WWP1: variants seen among roughly 807,000 people sequenced by gnomAD.
The protein encoded by WWP1 is WW domain containing E3 ubiquitin protein ligase 1.
A neutral mutation model predicts 130.6 loss-of-function variants in WWP1; 49 were observed. That is an observed-to-expected ratio of 0.38 (90% CI 0.30 to 0.48). The LOEUF (loss-of-function observed/expected upper bound fraction) is 0.48. Ranked by LOEUF, WWP1 falls within the 20% of genes least tolerant of loss-of-function variation. WWP1 has a pLI of 0.99. For synonymous variants in WWP1, 332 were observed against 367.8 expected (o/e 0.90, Z 1.11); for missense variants, 809 against 1,100.6 (o/e 0.74, Z 3.75).
At chr8:86,440,676 C>G (rs1810544597) in intron 17 of WWP1, 1 of 453,828 alleles carries the variant, frequency 2.2e-6, no homozygotes, top group African/African-American at 2.0e-5. Flanking sequence ...TCTATTATGT[C>G]TTTGAATATT....
intron 8 of WWP1, among the ~76,000 whole-genome samples, chr8:86,407,627 A>G (rs1422044953): frequency 6.6e-6 from 1 of 152,182 alleles, no homozygotes; most frequent in Non-Finnish European, 1.5e-5. Flanking sequence ...TCTCCAGTCA[A>G]ATATTATTGT....
chr8:86,423,016 A>G (rs1405832728), intron 9 of WWP1, among the ~76,000 whole-genome samples: 2 of 151,328 alleles, frequency 1.3e-5, no homozygotes, highest in African/African-American at 2.4e-5. Context: ...ATATTATTTC[A>G]TAGACACTTT....
At chr8:86,394,328 CA>C (rs556333242) in intron 5 of WWP1, among the ~76,000 whole-genome samples, 5 of 152,186 alleles carry the variant, frequency 3.3e-5, no homozygotes. Context: ...CTAGGAGGTA[CA>C]AAAAAATCAG....
In WWP1 at chr8:86,372,778, C is replaced by G. The variant is rs1824400913; in HGVS notation, c.-21-1252C>G. On this transcript the variant is annotated intron_variant, in intron 2 of 24. Transcript: ENST00000517970. ...TCCTATTTTGTTTCATTTTTTTCCC[C>G]TTCGTTAGTCTTATCAGACATTTAT... 2.0e-5 allele frequency among the ~76,000 whole-genome samples: 3 copies of G among 151,930 alleles called. No individual in the cohort carries two copies. In the South Asian group the frequency reaches 6.2e-4, roughly 31 times the overall value.
intron 1 of WWP1, among the ~76,000 whole-genome samples, chr8:86,349,327 G>T (rs1443393979): frequency 6.6e-6 from 1 of 152,300 alleles, no homozygotes; most frequent in South Asian, 2.1e-4. Flanking sequence ...TCTGCAACCA[G>T]ATCTTCTTAA....
chr8:86,375,562 CT>C (rs11390683), intron 3 of WWP1, among the ~76,000 whole-genome samples: 1 of 152,020 alleles, frequency 6.6e-6, no homozygotes, highest in African/African-American at 2.4e-5. Context: ...CTGTGCTTTG[CT>C]TTTTTTAACT....
chr8:86,450,674 CAA>C (rs1811126814), intron 20 of WWP1, among the ~76,000 whole-genome samples: 2 of 152,186 alleles, frequency 1.3e-5, no homozygotes, highest in Admixed American at 1.3e-4. Flanking sequence ...GTTTCAGTCT[CAA>C]ATAATAACAG....
At chr8:86,355,705 T>A (rs10504823) in intron 1 of WWP1, among the ~76,000 whole-genome samples, 22,081 of 152,138 alleles carry the variant, frequency 0.15, 1,765 homozygotes, top group Non-Finnish European at 0.19. Flanking sequence ...TACACACTTA[T>A]CTTTTTACGA....
intron 20 of WWP1, among the ~76,000 whole-genome samples, chr8:86,451,175 C>T (rs6988274): frequency 2.3e-5 from 3 of 132,920 alleles, no homozygotes; most frequent in Non-Finnish European, 4.6e-5. Context: ...GAGGTCAAGG[C>T]TGCAGTGAAC....
At chr8:86,352,745 A>G (rs751914338) in intron 1 of WWP1, among the ~76,000 whole-genome samples, 1 of 152,210 alleles carries the variant, frequency 6.6e-6, no homozygotes, top group Non-Finnish European at 1.5e-5. Flanking sequence ...AGATGTTTAA[A>G]ACAGCCTAAG....
At chr8:86,374,613 A>G (rs991938933) in intron 3 of WWP1, among the ~76,000 whole-genome samples, 1 of 152,234 alleles carries the variant, frequency 6.6e-6, no homozygotes, top group Admixed American at 6.5e-5. Context: ...TCCTGAGTTC[A>G]TGCTGATATT....
intron 2 of WWP1, among the ~76,000 whole-genome samples, chr8:86,372,435 C>T (rs1026885828): frequency 6.6e-6 from 1 of 152,234 alleles, no homozygotes; most frequent in Non-Finnish European, 1.5e-5. Context: ...GCTGGGATTA[C>T]AGGAGTGAAT....
chr8:86,421,519 A>G (rs1809204150), intron 9 of WWP1, among the ~76,000 whole-genome samples: 1 of 152,026 alleles, frequency 6.6e-6, no homozygotes, highest in Non-Finnish European at 1.5e-5. Flanking sequence ...GGGTTCTCCC[A>G]GATTGATTTA....
chr8:86,392,688 C>T (rs543512869), intron 5 of WWP1, among the ~76,000 whole-genome samples: 2 of 152,284 alleles, frequency 1.3e-5, no homozygotes, highest in South Asian at 4.1e-4. Flanking sequence ...GCCTTATTAA[C>T]TGAGTGAATT....
intron 1 of WWP1, among the ~76,000 whole-genome samples, chr8:86,364,806 CG>C (rs1823861688): frequency 7.4e-6 from 1 of 135,754 alleles, no homozygotes; most frequent in Admixed American, 7.7e-5. Context: ...GACCCTGCCT[CG>C]AAAGAAAGAA....
intron 20 of WWP1, among the ~76,000 whole-genome samples, chr8:86,451,074 A>T (rs529725818): frequency 8.0e-5 from 12 of 150,732 alleles, no homozygotes; most frequent in Middle Eastern, 3.4e-3. Flanking sequence ...AATAAATAAA[A>T]TTTTTTTAAA....
At chr8:86,451,347 G>A (rs1235932892) in intron 20 of WWP1, among the ~76,000 whole-genome samples, 1 of 150,248 alleles carries the variant, frequency 6.7e-6, no homozygotes, top group East Asian at 2.0e-4. Flanking sequence ...TTGATGGTGA[G>A]AATTAGTGGC....
chr8:86,347,179 G>T (rs1032352230), intron 1 of WWP1, among the ~76,000 whole-genome samples: 14 of 152,100 alleles, frequency 9.2e-5, no homozygotes, highest in Admixed American at 2.0e-4. Context: ...TAGAGATGGG[G>T]TCTTGCTGTG....
In WWP1 at chr8:86,342,776, G is replaced by T; in HGVS notation, c.-269G>T. On this transcript the variant is annotated 5_prime_UTR_variant, in exon 1 of 25. Transcript: ENST00000517970. The stretch of plus-strand genomic sequence containing the variant: ...TGCGGGTTCCGAGTGGCTGCTGGCG[G>T]CCTGGGCTGCCGGGGCCGACGCCTG... 2.7e-6 allele frequency: 1 copy of T among 368,034 alleles called. No homozygotes were observed. Among genetic ancestry groups the T allele is most frequent in the Non-Finnish European group, 4.8e-6 (1 of 206,316 alleles). 22.8% of individuals were successfully genotyped at this position (368,034 alleles called of 1,614,324 possible).
Sources: gnomAD v4.1 joint callset for allele counts (sites outside exome capture counted in the v4.1 genomes callset) on GRCh38, gnomAD v4.1.1 for gene constraint, MANE v1.5 for transcripts, NCBI Gene and HGNC (gene_info 2026-07-23, HGNC 2026-07-21) for gene names.